The following CNTNAP5 variants were observed in gnomAD, a reference collection of about 807,000 sequenced individuals.
The protein encoded by CNTNAP5 is contactin associated protein family member 5.
CNTNAP5 carries 72 observed loss-of-function variants against 150.2 expected under a neutral mutation model. The observed-to-expected ratio is 0.48, with a 90% CI of 0.40 to 0.58. The LOEUF (loss-of-function observed/expected upper bound fraction) is 0.58, where lower values mean the gene tolerates loss of function less well. Ranked by LOEUF, CNTNAP5 falls within the 20% of genes least tolerant of loss-of-function variation. The pLI, the probability that CNTNAP5 is intolerant of heterozygous loss-of-function variation, is 0.00. For synonymous variants in CNTNAP5, 672 were observed against 619.8 expected (o/e 1.08, Z -1.25); for missense variants, 1,636 against 1,626.2 (o/e 1.01, Z -0.10).
chr2:124,655,998 A>AGAAAG (rs70996089), intron 13 of CNTNAP5, among the ~76,000 whole-genome samples: 1 of 131,820 alleles, frequency 7.6e-6, no homozygotes, highest in Non-Finnish European at 1.7e-5. Context: ...AAAGAAAGAA[A>AGAAAG]AAAGGAAGGA....
At chr2:124,829,668 C>T (rs1409954503) in intron 19 of CNTNAP5, among the ~76,000 whole-genome samples, 1 of 151,426 alleles carries the variant, frequency 6.6e-6, no homozygotes, top group East Asian at 1.9e-4. Flanking sequence ...ATTAATTGTA[C>T]TATGTTTTTT....
At chr2:124,629,886 T>A (rs1206069672) in intron 12 of CNTNAP5, among the ~76,000 whole-genome samples, 1 of 123,240 alleles carries the variant, frequency 8.1e-6, no homozygotes, top group South Asian at 2.9e-4. Flanking sequence ...GATACCACCA[T>A]TGGCCCCACA....
At chr2:124,499,391 T>A (rs1471422307) in intron 7 of CNTNAP5, among the ~76,000 whole-genome samples, 1 of 152,130 alleles carries the variant, frequency 6.6e-6, no homozygotes, top group Non-Finnish European at 1.5e-5. Context: ...GGGATGGATG[T>A]CAGGAAAGGT....
At chr2:124,611,227 G>C (rs918616205) in intron 12 of CNTNAP5, among the ~76,000 whole-genome samples, 1 of 152,190 alleles carries the variant, frequency 6.6e-6, no homozygotes, top group Non-Finnish European at 1.5e-5. Context: ...GTAAGACACA[G>C]TGGCTGTTGT....
chr2:124,184,006 A>G (rs1685269785), intron 1 of CNTNAP5, among the ~76,000 whole-genome samples: 1 of 152,200 alleles, frequency 6.6e-6, no homozygotes, highest in South Asian at 2.1e-4. Flanking sequence ...AGGGAAAACC[A>G]CTCAGGCCAA....
At chr2:124,814,793 C>A (rs1009263562) in intron 19 of CNTNAP5, among the ~76,000 whole-genome samples, 23 of 151,372 alleles carry the variant, frequency 1.5e-4, no homozygotes, top group Non-Finnish European at 2.5e-4. Context: ...CACTCTTCTT[C>A]TTATTTCTAA....
At chr2:124,071,083 C>T (rs577104595) in intron 1 of CNTNAP5, among the ~76,000 whole-genome samples, 56 of 151,960 alleles carry the variant, frequency 3.7e-4, no homozygotes, top group African/African-American at 1.3e-3. Flanking sequence ...CAATATACTC[C>T]TGAATTACCA....
chr2:124,267,936 T>C (rs1035252068), intron 3 of CNTNAP5, among the ~76,000 whole-genome samples: 1 of 152,156 alleles, frequency 6.6e-6, no homozygotes, highest in Middle Eastern at 3.2e-3. Context: ...GAGACCTCTG[T>C]CAGAAGAGTC....
chr2:124,568,771 C>A (rs375263369), intron 11 of CNTNAP5, among the ~76,000 whole-genome samples: 1 of 152,288 alleles, frequency 6.6e-6, no homozygotes, highest in East Asian at 1.9e-4. Flanking sequence ...TCTGGCCGGG[C>A]GCGGTGGCTC....
Position 124,538,561 on chromosome 2 carries a change from AAAAG to A in CNTNAP5, c.1649+11120_1649+11123del, listed in dbSNP as rs544582073. Among the ~76,000 whole-genome samples the A allele has an allele frequency of 8.1e-3, 1,226 of 151,250 alleles. 13 individuals carry two copies. The highest frequency in any genetic ancestry group is 9.1e-3 in the Non-Finnish European group (619 of 67,748). ...GAAAGAAAGAAAGAGAGAAAGAAAG[AAAAG>A]AAAGAAAGAAAGAAGGAAGGAAAGA... On this transcript the variant is annotated intron_variant, in intron 10 of 23. Transcript: ENST00000682447.
intron 13 of CNTNAP5, among the ~76,000 whole-genome samples, chr2:124,651,733 GGA>G (rs1678326805): frequency 2.0e-5 from 3 of 152,320 alleles, no homozygotes; most frequent in African/African-American, 7.2e-5. Flanking sequence ...GAAAATGGAA[GGA>G]GAGAGAAGCG....
At chr2:124,501,646 G>A (rs1367033263) in intron 7 of CNTNAP5, among the ~76,000 whole-genome samples, 3 of 152,198 alleles carry the variant, frequency 2.0e-5, no homozygotes, top group Admixed American at 6.5e-5. Context: ...TTTACATGCA[G>A]TTCATTTTTC....
At chr2:124,068,135 G>A (rs1682209828) in intron 1 of CNTNAP5, among the ~76,000 whole-genome samples, 1 of 136,648 alleles carries the variant, frequency 7.3e-6, no homozygotes, top group South Asian at 2.5e-4. Context: ...CCAAACATCA[G>A]GCGAGAATCA....
intron 11 of CNTNAP5, among the ~76,000 whole-genome samples, chr2:124,605,989 T>C (rs1043937370): frequency 3.3e-5 from 5 of 152,240 alleles, no homozygotes; most frequent in African/African-American, 1.2e-4. Flanking sequence ...TCTCTCTCCA[T>C]AGTTATCCTC....
intron 11 of CNTNAP5, among the ~76,000 whole-genome samples, chr2:124,595,029 G>A (rs1696794454): frequency 7.1e-6 from 1 of 141,046 alleles, no homozygotes; most frequent in African/African-American, 2.6e-5. Flanking sequence ...AGCTTAAGGA[G>A]ATTTTGGGCT....
chr2:124,837,407 A>G (rs770686275), intron 19 of CNTNAP5, among the ~76,000 whole-genome samples: 2 of 152,122 alleles, frequency 1.3e-5, no homozygotes, highest in African/African-American at 4.8e-5. Context: ...TACAACTATA[A>G]TTCTCAGTTA....
At chr2:124,385,916 G>T (rs2565763) in intron 3 of CNTNAP5, among the ~76,000 whole-genome samples, 51,256 of 151,648 alleles carry the variant, frequency 0.34, 9,264 homozygotes, top group East Asian at 0.57. Context: ...GTTTGTTTTC[G>T]GCCGTTTGGC....
chr2:124,434,651 C>G lies in CNTNAP5; in HGVS notation c.697C>G (p.Leu233Val), dbSNP rs765422627. ...GCGTGGAGACCACATCACCTTGGAA[C>G]TCCAGAAGGGGAGGCTCGCCCTACA... ...GQRGDHITLE[L>V]QKGRLALHLN... is the part of the protein sequence containing the mutation. The change falls in exon 5 of 24, where the codon CTC (leucine) becomes GTC (valine). Residue 233 changes from leucine to valine, a missense_variant. Transcript: ENST00000682447. 1 of 1,613,558 alleles carries G rather than the reference C, an allele frequency of 6.2e-7. No homozygotes were observed. The highest frequency in any genetic ancestry group is 8.5e-7 in the Non-Finnish European group (1 of 1,179,740).
chr2:124,798,850 A>G (rs1342748906), intron 19 of CNTNAP5, among the ~76,000 whole-genome samples: 1 of 151,852 alleles, frequency 6.6e-6, no homozygotes, highest in Non-Finnish European at 1.5e-5. Context: ...CTTTTTTTTT[A>G]AAGATAATGA....
Sources: gnomAD v4.1 joint callset for allele counts (sites outside exome capture counted in the v4.1 genomes callset) on GRCh38, gnomAD v4.1.1 for gene constraint, MANE v1.5 for transcripts, NCBI Gene and HGNC (gene_info 2026-07-23, HGNC 2026-07-21) for gene names.